The following XRCC4 variants were observed in gnomAD, a reference collection of about 807,000 sequenced individuals.
The protein encoded by XRCC4 is DNA repair protein XRCC4.
XRCC4 carries 28 observed loss-of-function variants against 39.1 expected under a neutral mutation model. That is an observed-to-expected ratio of 0.72 (90% CI 0.53 to 0.98). The LOEUF (loss-of-function observed/expected upper bound fraction) is 0.98, where lower values mean the gene tolerates loss of function less well. Among genes scored for constraint, XRCC4 ranks in the 50% least tolerant of loss-of-function variants. The pLI, the probability that XRCC4 is intolerant of heterozygous loss-of-function variation, is 0.00. For missense variants in XRCC4, 350 were observed against 376.4 expected (o/e 0.93, Z 0.58); for synonymous variants, 123 against 126.4 (o/e 0.97, Z 0.18).
At chr5:83,358,262 A>G (rs918686656), downstream of XRCC4, among the ~76,000 whole-genome samples, 1 of 152,094 alleles carries the variant, frequency 6.6e-6, no homozygotes, top group Non-Finnish European at 1.5e-5. Context: ...ACCATCCACC[A>G]TCGCTGTTCC....
intron 7 of XRCC4, among the ~76,000 whole-genome samples, chr5:83,284,053 A>G (rs1463151145): frequency 5.4e-5 from 4 of 74,690 alleles, no homozygotes; most frequent in Non-Finnish European, 1.0e-4. Flanking sequence ...AACCCAGAGC[A>G]AAAAAAAAAA....
intron 6 of XRCC4, among the ~76,000 whole-genome samples, chr5:83,250,129 AT>A (rs1753252709): frequency 6.6e-6 from 1 of 152,178 alleles, no homozygotes; most frequent in African/African-American, 2.4e-5. Context: ...GGCTCCAAAC[AT>A]TTCATGACAT....
intron 4 of XRCC4, among the ~76,000 whole-genome samples, chr5:83,200,157 G>T (rs1751123843): frequency 6.6e-6 from 1 of 152,120 alleles, no homozygotes; most frequent in African/African-American, 2.4e-5. Context: ...TTAAAAATTA[G>T]GTGGGAATGA....
intron 7 of XRCC4, among the ~76,000 whole-genome samples, chr5:83,351,692 G>C (rs563930358): frequency 9.2e-5 from 14 of 152,116 alleles, no homozygotes; most frequent in African/African-American, 3.4e-4. Flanking sequence ...ATGCATTAAT[G>C]CCTAGCACCT....
At chr5:83,262,712 A>G (rs1753794470) in intron 7 of XRCC4, among the ~76,000 whole-genome samples, 2 of 152,076 alleles carry the variant, frequency 1.3e-5, no homozygotes, top group Non-Finnish European at 2.9e-5. Flanking sequence ...AATTTGTTGT[A>G]AAGTTGCTTT....
At chr5:83,303,204 C>G (rs1755351827) in intron 7 of XRCC4, among the ~76,000 whole-genome samples, 1 of 133,048 alleles carries the variant, frequency 7.5e-6, no homozygotes, top group Admixed American at 7.7e-5. Context: ...CAGAGCAAGA[C>G]TCCGTCTCAA....
At chr5:83,204,781 A>T (rs1257314402) in intron 5 of XRCC4, 34 bp from the exon 6 acceptor site, 9 of 1,550,002 alleles carry the variant, frequency 5.8e-6, no homozygotes, top group Non-Finnish European at 7.1e-6. Flanking sequence ...GGGGTGAGCC[A>T]GTTATTTATA....
chr5:83,224,020 T>A (rs1477764202), intron 6 of XRCC4, among the ~76,000 whole-genome samples: 1 of 152,050 alleles, frequency 6.6e-6, no homozygotes, highest in African/African-American at 2.4e-5. Context: ...AGTCTATCAT[T>A]GATGGACATT....
intron 7 of XRCC4, among the ~76,000 whole-genome samples, chr5:83,283,939 G>A (rs1401386800): frequency 6.7e-6 from 1 of 150,240 alleles, no homozygotes; most frequent in Non-Finnish European, 1.5e-5. Context: ...TGGGTATCCA[G>A]TCAAGCTTGG....
At chr5:83,149,662 T>C (rs1748616364) in intron 3 of XRCC4, among the ~76,000 whole-genome samples, 1 of 152,320 alleles carries the variant, frequency 6.6e-6, no homozygotes, top group East Asian at 1.9e-4. Flanking sequence ...GTGTTAACAC[T>C]GATTTATAAA....
At chr5:83,090,807 G>A (rs1192401262) in intron 1 of XRCC4, among the ~76,000 whole-genome samples, 1 of 152,170 alleles carries the variant, frequency 6.6e-6, no homozygotes, top group African/African-American at 2.4e-5. Context: ...AACTCTGTGC[G>A]AGGAGCAGGG....
chr5:83,313,141 GTA>G (rs2112100779), intron 7 of XRCC4, among the ~76,000 whole-genome samples: 1 of 149,178 alleles, frequency 6.7e-6, no homozygotes, highest in South Asian at 2.1e-4. Flanking sequence ...AAAAACCATG[GTA>G]TAGAAAAACC....
At chr5:83,370,783 G>C in the XRCC4 span, among the ~76,000 whole-genome samples, 1 of 151,984 alleles carries the variant, frequency 6.6e-6, no homozygotes, top group Non-Finnish European at 1.5e-5. Context: ...CTGTAATAGC[G>C]AATTCTCTCT....
the XRCC4 span, among the ~76,000 whole-genome samples, chr5:83,373,831 A>T: frequency 6.6e-6 from 1 of 152,192 alleles, no homozygotes; most frequent in South Asian, 2.1e-4. Flanking sequence ...CTATGTATAT[A>T]ATAGCTACCT....
chr5:83,181,415 C>A (rs1341477020), intron 3 of XRCC4, among the ~76,000 whole-genome samples: 1 of 151,922 alleles, frequency 6.6e-6, no homozygotes, highest in Non-Finnish European at 1.5e-5. Context: ...TATCCAAATT[C>A]TCTGACAGAT....
intron 3 of XRCC4, among the ~76,000 whole-genome samples, chr5:83,192,319 A>ATATATTTTTT (rs3069585): frequency 2.6e-4 from 38 of 143,500 alleles, no homozygotes; most frequent in African/African-American, 8.3e-4. Context: ...ATATATATAT[A>ATATATTTTTT]TTTTTTTGAG....
chr5:83,196,014 A>G, intron 4 of XRCC4, 78 bp downstream of exon 4: 1 of 1,401,704 alleles, frequency 7.1e-7, no homozygotes, highest in Non-Finnish European at 9.5e-7. Flanking sequence ...AATGATTGGT[A>G]AATTTCCAAT....
intron 7 of XRCC4, among the ~76,000 whole-genome samples, chr5:83,261,246 T>A (rs1753737230): frequency 6.6e-6 from 1 of 152,038 alleles, no homozygotes; most frequent in Non-Finnish European, 1.5e-5. Context: ...TACTAATGGC[T>A]AGCCCTTATT....
intron 7 of XRCC4, among the ~76,000 whole-genome samples, chr5:83,312,971 GATGCT>G (rs1755755437): frequency 1.3e-5 from 2 of 152,090 alleles, no homozygotes; most frequent in Non-Finnish European, 2.9e-5. Flanking sequence ...TCATTTTGCG[GATGCT>G]GAGTTGGCAC....
Sources: allele counts gnomAD v4.1 joint callset (sites outside exome capture counted in the v4.1 genomes callset), GRCh38; gene constraint gnomAD v4.1.1; transcripts MANE v1.5; gene names NCBI Gene and HGNC (gene_info 2026-07-23, HGNC 2026-07-21).